ZNF91: variants seen among roughly 807,000 people sequenced by gnomAD.
The protein encoded by ZNF91 is zinc finger protein 91, also known as zinc finger protein 91 (HPF7, HTF10).
In ZNF91, 7 loss-of-function variants were observed where a neutral mutation model predicts 12.6. That is an observed-to-expected ratio of 0.55 (90% CI 0.31 to 1.04). The LOEUF is 1.04. Among genes scored for constraint, ZNF91 ranks in the 50% least tolerant of loss-of-function variants. The probability of loss-of-function intolerance (pLI) is 0.05; values close to 1 mark genes in which losing one functional copy is unlikely to be tolerated. For synonymous variants in ZNF91, 453 were observed against 462.6 expected (o/e 0.98, Z 0.27); for missense variants, 1,217 against 1,385.4 (o/e 0.88, Z 1.93).
At chr19:23,373,386 A>ATATATATAT (rs1491489801) in intron 3 of ZNF91, among the ~76,000 whole-genome samples, 1 of 86,450 alleles carries the variant, frequency 1.2e-5, no homozygotes, top group African/African-American at 3.3e-5. Flanking sequence ...ATATATATAT[A>ATATATATAT]AATAAACAGT....
intron 1 of ZNF91, among the ~76,000 whole-genome samples, chr19:23,385,515 G>A (rs1351747409): frequency 2.0e-5 from 3 of 152,140 alleles, no homozygotes; most frequent in Non-Finnish European, 4.4e-5. Flanking sequence ...AAATCTGTCA[G>A]TCAGAATCCA....
chr19:23,335,964 C>A (rs1968001537), downstream of ZNF91, among the ~76,000 whole-genome samples: 1 of 152,110 alleles, frequency 6.6e-6, no homozygotes, highest in Admixed American at 6.5e-5. Flanking sequence ...CCGGAAAATA[C>A]TTTTTAAAAT....
At chr19:23,345,451 C>A (rs1271824316) in intron 3 of ZNF91, among the ~76,000 whole-genome samples, 1 of 152,184 alleles carries the variant, frequency 6.6e-6, no homozygotes, top group African/African-American at 2.4e-5. Context: ...CTGACTTAAT[C>A]AATTATTGCT....
In ZNF91 at chr19:23,362,448, A is replaced by C. The variant is rs1044095; in HGVS notation, c.531T>G (p.Thr177=). 2 of 1,613,336 alleles carry C rather than the reference A, an allele frequency of 1.2e-6. No homozygotes were observed. The highest frequency in any genetic ancestry group is 3.3e-5 in the Admixed American group (2 of 59,874). Residue 177 remains threonine, a synonymous_variant, in exon 4 of 4, where the codon ACT becomes ACG. Coordinates refer to ENST00000300619, the MANE Select transcript of ZNF91 (RefSeq NM_003430.4). ...TTTTACATTTGAAGCATTTCTTTCC[A>C]GTATGTCTTATCGTATGTCTGTTTG... The part of the protein sequence containing the change: ...LNSNRHTIRH[T]GKKCFKCKKC...
intron 1 of ZNF91, among the ~76,000 whole-genome samples, chr19:23,387,604 G>A (rs1423656718): frequency 7.9e-5 from 12 of 152,038 alleles, no homozygotes. Context: ...AGGCATGGTG[G>A]CACACACCTG....
At chr19:23,355,583 A>G (rs1220980476), downstream of ZNF91, among the ~76,000 whole-genome samples, 2 of 152,252 alleles carry the variant, frequency 1.3e-5, no homozygotes, top group African/African-American at 4.8e-5. Flanking sequence ...CAAATGCAAT[A>G]AAAACAAAGA....
At position 23,323,660 on chromosome 19, in the gene ZNF91, T is replaced by C. The variant is rs565657085; in HGVS notation, n.117-14563A>G. Among the ~76,000 whole-genome samples, 9 of 116,464 alleles carry C rather than the reference T, an allele frequency of 7.7e-5. 1 individual carries two copies. The East Asian group carries it at 3.8e-3, about 49-fold the overall frequency. The allele number at this position is 116,464 out of a possible 152,430, so 76.4% of individuals were successfully genotyped here. The stretch of plus-strand genomic sequence containing the variant: ...TCCTTCTCTTCTCCTCTCCTCCTCC[T>C]TTCCTCTTCTCTCCTCCTCCTCTAC... On this transcript the variant is annotated intron_variant and non_coding_transcript_variant, in intron 1 of 1. Coordinates refer to the ZNF91 transcript ENST00000596528.
chr19:23,350,173 T>C (rs1197580480), intron 3 of ZNF91, among the ~76,000 whole-genome samples: 2 of 152,208 alleles, frequency 1.3e-5, no homozygotes, highest in Non-Finnish European at 2.9e-5. Flanking sequence ...ATATCTCCAA[T>C]TGTTGTCTTA....
intron 1 of ZNF91, chr19:23,385,362 G>T: frequency 2.8e-6 from 1 of 357,464 alleles, no homozygotes; most frequent in Non-Finnish European, 5.0e-6. Context: ...CAGTTGAACA[G>T]AAGGGCTTCT....
chr19:23,378,885 ATTTG>A (rs1373041137), intron 1 of ZNF91, among the ~76,000 whole-genome samples: 6 of 152,292 alleles, frequency 3.9e-5, no homozygotes, highest in African/African-American at 1.4e-4. Flanking sequence ...CAATTAGTTT[ATTTG>A]TTTGAGTCTC....
rs746087036 is a variant in ZNF91 at position 23,362,099 on chromosome 19, A to G, written c.880T>C (p.Tyr294His). 1 of 1,614,072 alleles carries G rather than the reference A, an allele frequency of 6.2e-7. No homozygotes were observed. Among genetic ancestry groups the G allele is most frequent in the Non-Finnish European group, 8.5e-7 (1 of 1,179,992 alleles). Residue 294 changes from tyrosine to histidine, a missense_variant, in exon 4 of 4, where the codon TAC becomes CAC. By Grantham distance (83) the Tyr-to-His change is moderately conservative. This residue lies in a region of ZNF91 where 726 missense variants were observed against 895.5 expected (regional missense o/e 0.81). Transcript: ENST00000300619. Reference protein sequence around the residue: ...HKRIHTGEKPYKCEECGKAFS... With the variant: ...HKRIHTGEKPHKCEECGKAFS... ...GCTTTGCCACATTCTTCACATTTGT[A>G]GGGTTTCTCTCCAGTGTGTATCCTC...
At chr19:23,324,532 T>C (rs932701229) in intron 1 of ZNF91, 2 of 148,728 alleles carry the variant, frequency 1.3e-5, no homozygotes, top group African/African-American at 2.5e-5. Flanking sequence ...TATATATATA[T>C]ACGTATATAC....
chr19:23,318,243 G>A (rs990377044), intron 1 of ZNF91, among the ~76,000 whole-genome samples: 8 of 151,684 alleles, frequency 5.3e-5, no homozygotes, highest in Admixed American at 5.2e-4. Flanking sequence ...TATATTACTG[G>A]GTCCAAAACT....
At chr19:23,392,211 C>T (rs1970087997) in intron 1 of ZNF91, among the ~76,000 whole-genome samples, 1 of 151,486 alleles carries the variant, frequency 6.6e-6, no homozygotes, top group African/African-American at 2.4e-5. Flanking sequence ...GCCTGGCCAA[C>T]ATGGTGAAAC....
chr19:23,354,958 A>G (rs556212499), downstream of ZNF91, among the ~76,000 whole-genome samples: 19 of 152,318 alleles, frequency 1.2e-4, no homozygotes, highest in African/African-American at 4.6e-4. Flanking sequence ...GAAACAAATC[A>G]TAGACAACAC....
At chr19:23,369,215 C>G (rs1169905453) in intron 3 of ZNF91, among the ~76,000 whole-genome samples, 4 of 152,014 alleles carry the variant, frequency 2.6e-5, no homozygotes, top group African/African-American at 9.7e-5. Context: ...GAGGCTGAGG[C>G]AGGAGAATCG....
At chr19:23,362,812 T>C (rs992904965) in intron 3 of ZNF91, 87 bp from the exon 4 acceptor site, 1 of 1,299,224 alleles carries the variant, frequency 7.7e-7, no homozygotes, top group Non-Finnish European at 9.8e-7. Flanking sequence ...TACAAAATTA[T>C]ACAAACTACA....
chr19:23,313,668 T>C (rs1259021203), upstream of ZNF91, among the ~76,000 whole-genome samples: 1 of 152,178 alleles, frequency 6.6e-6, no homozygotes, highest in East Asian at 1.9e-4. Context: ...ATAGTAAAGA[T>C]TTTCATTCTT....
At chr19:23,331,309 G>A (rs995744927) in intron 1 of ZNF91, among the ~76,000 whole-genome samples, 1 of 152,098 alleles carries the variant, frequency 6.6e-6, no homozygotes, top group African/African-American at 2.4e-5. Flanking sequence ...AGAAATACAA[G>A]TTTGAAATTT....
Sources: allele counts gnomAD v4.1 joint callset (sites outside exome capture counted in the v4.1 genomes callset), GRCh38; gene constraint gnomAD v4.1.1; regional missense constraint gnomAD v4.1.1; transcripts MANE v1.5; gene names NCBI Gene and HGNC (gene_info 2026-07-23, HGNC 2026-07-21).